GALNT17: variants seen among roughly 807,000 people sequenced by gnomAD.
GALNT17 encodes the protein UDP-GalNAc:polypeptide N-acetylgalactosaminyltransferase-like 3.
GALNT17 carries 29 observed loss-of-function variants against 63.7 expected under a neutral mutation model. The ratio of observed to expected loss-of-function variants is 0.46; its 90% CI spans 0.34 to 0.62. The LOEUF is 0.62. Ranked by LOEUF, GALNT17 falls within the 20% of genes least tolerant of loss-of-function variation. GALNT17 has a pLI of 0.01. For missense variants in GALNT17, 603 were observed against 799.6 expected, an observed-to-expected ratio of 0.75 and a Z score of 2.97; for synonymous variants, 305 against 318.3, an observed-to-expected ratio of 0.96 and a Z score of 0.45.
chr7:71,447,483 A>C (rs1215987647), intron 5 of GALNT17, among the ~76,000 whole-genome samples: 1 of 152,180 alleles, frequency 6.6e-6, no homozygotes, highest in East Asian at 1.9e-4. Context: ...GGTAAGTATA[A>C]TGCAAATAAT....
intron 6 of GALNT17, among the ~76,000 whole-genome samples, chr7:71,614,529 A>C (rs75681850): frequency 0.16 from 23,596 of 151,934 alleles, 1,939 homozygotes; most frequent in African/African-American, 0.2. Flanking sequence ...GCTGAGATGG[A>C]AGATTGCTTG....
At chr7:71,425,212 G>A (rs988363090) in intron 5 of GALNT17, among the ~76,000 whole-genome samples, 3 of 151,760 alleles carry the variant, frequency 2.0e-5, no homozygotes, top group African/African-American at 7.3e-5. Flanking sequence ...TGCCAGTGTG[G>A]TCAGGTCTTC....
intron 1 of GALNT17, among the ~76,000 whole-genome samples, chr7:71,151,635 A>G (rs532327295): frequency 6.1e-5 from 9 of 148,690 alleles, no homozygotes; most frequent in African/African-American, 2.0e-4. Context: ...AAAGAAAAGA[A>G]AAAAAAAAAA....
chr7:71,308,060 T>C (rs1405945053), intron 1 of GALNT17, among the ~76,000 whole-genome samples: 3 of 151,884 alleles, frequency 2.0e-5, no homozygotes, highest in Non-Finnish European at 4.4e-5. Context: ...GTCTGAAGGC[T>C]CCGGGTCAGA....
At chr7:71,383,502 G>A (rs765369480) in intron 2 of GALNT17, among the ~76,000 whole-genome samples, 1 of 152,002 alleles carries the variant, frequency 6.6e-6, no homozygotes, top group African/African-American at 2.4e-5. Context: ...GCAGTGGTGC[G>A]GTCATAGCTC....
intron 5 of GALNT17, among the ~76,000 whole-genome samples, chr7:71,496,321 G>T (rs1294464904): frequency 6.6e-6 from 1 of 152,042 alleles, no homozygotes; most frequent in Non-Finnish European, 1.5e-5. Context: ...AAGCATCAGT[G>T]GGCCAGTTGG....
intron 5 of GALNT17, among the ~76,000 whole-genome samples, chr7:71,480,661 C>CTGT (rs1257073370): frequency 6.6e-6 from 1 of 152,184 alleles, no homozygotes; most frequent in Admixed American, 6.5e-5. Context: ...CATGTACCAC[C>CTGT]ACACCCAGCA....
rs1490914171 is a variant in GALNT17 at position 71,377,093 on chromosome 7, AAAAAAAATAAAAAT to A, written c.423-11134_423-11121del. 1.2e-4 allele frequency among the ~76,000 whole-genome samples: 8 copies of A among 65,386 alleles called. 1 individual carries two copies. Among genetic ancestry groups the A allele is most frequent in the African/African-American group, 3.9e-4 (4 of 10,214 alleles). 42.9% of individuals were successfully genotyped at this position (65,386 alleles called of 152,430 possible). On this transcript the variant is annotated intron_variant, in intron 2 of 10. Transcript: ENST00000333538. ...AGAGCGATATTCCATCTCAAAAAAA[AAAAAAAATAAAAAT>A]AAAAAAAATATATATATATATATAT...
At chr7:71,341,170 C>G (rs1399733453) in intron 2 of GALNT17, among the ~76,000 whole-genome samples, 1 of 152,200 alleles carries the variant, frequency 6.6e-6, no homozygotes, top group East Asian at 1.9e-4. Flanking sequence ...GGCAACATAG[C>G]AAGACCCTAT....
At chr7:71,432,564 T>C (rs955019425) in intron 5 of GALNT17, among the ~76,000 whole-genome samples, 1 of 152,210 alleles carries the variant, frequency 6.6e-6, no homozygotes, top group South Asian at 2.1e-4. Context: ...CTCTGGATTG[T>C]GCGGGGTTTA....
chr7:71,495,011 C>T (rs1240441145), intron 5 of GALNT17, among the ~76,000 whole-genome samples: 1 of 152,180 alleles, frequency 6.6e-6, no homozygotes, highest in Non-Finnish European at 1.5e-5. Context: ...TGGCTCATGC[C>T]TGTAATCCCA....
intron 5 of GALNT17, among the ~76,000 whole-genome samples, chr7:71,562,917 G>A (rs1412791221): frequency 1.3e-5 from 2 of 152,116 alleles, no homozygotes; most frequent in South Asian, 4.1e-4. Context: ...TAGAGGAGGG[G>A]AAGCATCTAG....
intron 6 of GALNT17, among the ~76,000 whole-genome samples, chr7:71,591,139 C>T (rs1226736975): frequency 1.3e-5 from 2 of 152,202 alleles, no homozygotes; most frequent in African/African-American, 4.8e-5. Context: ...TCACTGCAAC[C>T]TCCACCTCAT....
At chr7:71,468,713 G>A (rs934786745) in intron 5 of GALNT17, among the ~76,000 whole-genome samples, 12 of 151,898 alleles carry the variant, frequency 7.9e-5, no homozygotes, top group African/African-American at 2.4e-4. Flanking sequence ...CACTGTGCCC[G>A]GCCCTAGGCT....
At chr7:71,416,113 G>C in intron 4 of GALNT17, 50 bp downstream of exon 4, 1 of 1,552,708 alleles carries the variant, frequency 6.4e-7, no homozygotes, top group Non-Finnish European at 8.7e-7. Flanking sequence ...CATTGTGGTT[G>C]AGAGGGGCTG....
At chr7:71,349,918 C>G (rs1349238493) in intron 2 of GALNT17, among the ~76,000 whole-genome samples, 1 of 152,152 alleles carries the variant, frequency 6.6e-6, no homozygotes, top group Non-Finnish European at 1.5e-5. Flanking sequence ...AATGCAGCCC[C>G]ACTTTGCACA....
At chr7:71,176,618 T>G (rs976262646) in intron 1 of GALNT17, among the ~76,000 whole-genome samples, 11 of 152,092 alleles carry the variant, frequency 7.2e-5, no homozygotes, top group Admixed American at 4.6e-4. Context: ...AGAGGTAGCT[T>G]CTTCTTGGAA....
intron 6 of GALNT17, among the ~76,000 whole-genome samples, chr7:71,601,887 C>T (rs1789971870): frequency 6.6e-6 from 1 of 152,216 alleles, no homozygotes; most frequent in African/African-American, 2.4e-5. Context: ...TGGAATCAAT[C>T]AACCTCAGAA....
intron 6 of GALNT17, among the ~76,000 whole-genome samples, chr7:71,626,359 G>T (rs969316817): frequency 3.9e-5 from 6 of 152,152 alleles, no homozygotes; most frequent in Admixed American, 2.6e-4. Flanking sequence ...CACCCCTGTG[G>T]ATACCTTGAT....
Sources: allele counts gnomAD v4.1 joint callset (sites outside exome capture counted in the v4.1 genomes callset), GRCh38; gene constraint gnomAD v4.1.1; transcripts MANE v1.5; gene names NCBI Gene and HGNC (gene_info 2026-07-23, HGNC 2026-07-21).